Variants in MYO10 observed in about 807,000 individuals in gnomAD.
The protein encoded by MYO10 is myosin X.
MYO10 carries 133 observed loss-of-function variants against 257.3 expected under a neutral mutation model. The ratio of observed to expected loss-of-function variants is 0.52; its 90% CI spans 0.45 to 0.60. The LOEUF (loss-of-function observed/expected upper bound fraction) is 0.60, where lower values mean the gene tolerates loss of function less well. MYO10 is among the 20% of genes least tolerant of loss of function. The probability of loss-of-function intolerance (pLI) is 0.00; values close to 1 mark genes in which losing one functional copy is unlikely to be tolerated. For missense variants in MYO10, 2,399 were observed against 2,635.7 expected (o/e 0.91, Z 1.97); for synonymous variants, 1,104 against 1,028.6 (o/e 1.07, Z -1.40).
chr5:16,670,473 G>A, intron 39 of MYO10, 53 bp downstream of exon 39: 7 of 1,473,688 alleles, frequency 4.7e-6, no homozygotes, highest in Non-Finnish European at 6.5e-6. Flanking sequence ...CGTGATCCAT[G>A]TTCTCAGATG....
intron 1 of MYO10, among the ~76,000 whole-genome samples, chr5:16,911,506 G>A (rs1430251738): frequency 6.6e-6 from 1 of 151,938 alleles, no homozygotes; most frequent in Non-Finnish European, 1.5e-5. Flanking sequence ...CTGAGGCGGG[G>A]GGATCCCTTG....
intron 36 of MYO10, 54 bp downstream of exon 36, chr5:16,673,628 G>A (rs2126472049): frequency 3.2e-6 from 5 of 1,546,812 alleles, no homozygotes; most frequent in Non-Finnish European, 4.4e-6. Flanking sequence ...CCTGACGCAG[G>A]TGTATCTGCA....
intron 1 of MYO10, among the ~76,000 whole-genome samples, chr5:16,893,209 A>AAAAAAAAAAAAAAAAAAAAAAAAAAC (rs1745117330): frequency 6.7e-6 from 1 of 149,668 alleles, no homozygotes; most frequent in Admixed American, 6.7e-5. Flanking sequence ...AAAAAAAAAA[A>AAAAAAAAAAAAAAAAAAAAAAAAAAC]AAAAAAGAAC....
rs1264886091 is a variant in MYO10, at chr5:16,672,822, C to T, written c.5176G>A (p.Val1726Met). The change falls in exon 37 of 41, where the codon GTG becomes ATG. Residue 1726 changes from valine to methionine, a missense_variant. Coordinates refer to ENST00000513610, the MANE Select transcript of MYO10 (RefSeq NM_012334.3). ...INSHTTAGEVVEKLIRGLAME... is the reference protein window; with the variant it reads ...INSHTTAGEVMEKLIRGLAME... ...GCCAGGCCTCGGATCAGCTTCTCCA[C>T]CACCTGGAAGACACACCAGGGGGAC... is the stretch of plus-strand genomic sequence containing the variant. The T allele has an allele frequency of 2.5e-6, 4 of 1,612,828 alleles. No individual in the cohort carries two copies. In the Admixed American group the frequency reaches 5.0e-5, roughly 20 times the overall value.
intron 19 of MYO10, among the ~76,000 whole-genome samples, chr5:16,739,019 T>C (rs1739915822): frequency 6.6e-6 from 1 of 151,204 alleles, no homozygotes; most frequent in South Asian, 2.1e-4. Context: ...AACCAAGAAG[T>C]GTTATTAAAA....
chr5:16,836,954 C>G (rs557548112), intron 2 of MYO10, among the ~76,000 whole-genome samples: 12 of 152,284 alleles, frequency 7.9e-5, no homozygotes, highest in African/African-American at 2.9e-4. Context: ...ATGGTTGTAA[C>G]AGATGATAGA....
At chr5:16,930,054 T>C (rs1201405978) in intron 1 of MYO10, among the ~76,000 whole-genome samples, 1 of 152,166 alleles carries the variant, frequency 6.6e-6, no homozygotes, top group Non-Finnish European at 1.5e-5. Flanking sequence ...GAAACTTACT[T>C]ACAAATAAGA....
chr5:16,789,213 C>G (rs1352061648), intron 4 of MYO10, among the ~76,000 whole-genome samples: 1 of 152,244 alleles, frequency 6.6e-6, no homozygotes, highest in Non-Finnish European at 1.5e-5. Flanking sequence ...TGCTTTCACA[C>G]TACAAGGGCA....
intron 19 of MYO10, among the ~76,000 whole-genome samples, chr5:16,729,666 G>C (rs986677631): frequency 4.6e-5 from 7 of 152,020 alleles, no homozygotes; most frequent in African/African-American, 1.7e-4. Flanking sequence ...GAATGGTCTC[G>C]ATCTCCTGAC....
At chr5:16,839,216 G>A (rs980704276) in intron 2 of MYO10, among the ~76,000 whole-genome samples, 6 of 152,078 alleles carry the variant, frequency 3.9e-5, no homozygotes, top group African/African-American at 1.4e-4. Context: ...AAAACCTTCT[G>A]GAAAGGATTC....
chr5:16,834,020 C>A (rs570249882), intron 2 of MYO10, among the ~76,000 whole-genome samples: 101 of 152,258 alleles, frequency 6.6e-4, no homozygotes, highest in African/African-American at 2.4e-3. Flanking sequence ...GCCAGGCCCC[C>A]CCGAACGCCC....
chr5:16,857,553 C>CA (rs1743994245), intron 2 of MYO10, among the ~76,000 whole-genome samples: 2 of 152,202 alleles, frequency 1.3e-5, no homozygotes, highest in Admixed American at 6.5e-5. Flanking sequence ...TGCACATTTG[C>CA]AGGCTCCTAA....
intron 1 of MYO10, among the ~76,000 whole-genome samples, chr5:16,888,556 C>T (rs1744956596): frequency 6.6e-6 from 1 of 151,606 alleles, no homozygotes; most frequent in Non-Finnish European, 1.5e-5. Context: ...AATTGCGCCA[C>T]TGCACTCCAG....
At chr5:16,762,443 T>C (rs55850620) in intron 15 of MYO10, 102 bp downstream of exon 15, 2 of 899,146 alleles carry the variant, frequency 2.2e-6, no homozygotes, top group East Asian at 2.7e-5. Flanking sequence ...ATGTTCAATG[T>C]GGGAGGCACA....
Position 16,925,575 on chromosome 5 carries a change from C to G in MYO10, c.21+10213G>C, listed in dbSNP as rs10071003. Among the ~76,000 whole-genome samples, 808 of 152,238 alleles carry G rather than the reference C, an allele frequency of 5.3e-3. 7 individuals are homozygous for G. Among genetic ancestry groups the G allele is most frequent in the African/African-American group, 0.018 (763 of 41,542 alleles). Reference sequence around the variant, plus strand: ...TACAGGCGCCTGCTACCACATCTGGCTAACTTTTGTATTTTTAGTAGAGAT... The same window carrying G: ...TACAGGCGCCTGCTACCACATCTGGGTAACTTTTGTATTTTTAGTAGAGAT... On this transcript the variant is annotated intron_variant, in intron 1 of 40. Coordinates refer to ENST00000513610, the MANE Select transcript of MYO10 (RefSeq NM_012334.3).
In MYO10 at chr5:16,738,967, T is replaced by C. The variant is rs534921096; in HGVS notation, c.1929+15861A>G. Among the ~76,000 whole-genome samples the C allele has an allele frequency of 6.0e-5, 9 of 148,858 alleles. No individual in the cohort carries two copies. The East Asian group carries it at 8.0e-4, about 13-fold the overall frequency. On this transcript the variant is annotated intron_variant, in intron 19 of 40. Coordinates refer to ENST00000513610, the MANE Select transcript of MYO10 (RefSeq NM_012334.3). ...ACAATTTATACTCCCAGCAGCAGAA[T>C]AGCAGAATCCATTAATGGCAGTTTC...
At chr5:16,689,966 C>G in intron 27 of MYO10, 47 bp from the exon 28 acceptor site, 1 of 1,371,248 alleles carries the variant, frequency 7.3e-7, no homozygotes, top group East Asian at 2.3e-5. Flanking sequence ...ACACCAAATT[C>G]TGAATAACTG....
rs139444371 is a variant in MYO10, at chr5:16,731,592, G to A, written c.1930-20347C>T. ...TCTAACTCCTGACCTCAAGCAATTCGCCCACCTTGGCCTCCCAAAGTGCTG... is the reference window on the plus strand; with the variant it reads ...TCTAACTCCTGACCTCAAGCAATTCACCCACCTTGGCCTCCCAAAGTGCTG... On this transcript the variant is annotated intron_variant, in intron 19 of 40. Transcript: ENST00000513610. 9.2e-3 allele frequency among the ~76,000 whole-genome samples: 1,381 copies of A among 149,418 alleles called. 22 individuals carry two copies. The highest frequency in any genetic ancestry group is 0.032 in the African/African-American group (1,299 of 40,534).
chr5:16,675,249 G>A (rs1736671911), intron 34 of MYO10, 99 bp from the exon 35 acceptor site: 1 of 1,266,648 alleles, frequency 7.9e-7, no homozygotes. Context: ...TAAATGAGGA[G>A]GACGGATGCA....
Sources: allele counts gnomAD v4.1 joint callset (sites outside exome capture counted in the v4.1 genomes callset), GRCh38; gene constraint gnomAD v4.1.1; transcripts MANE v1.5; gene names NCBI Gene and HGNC (gene_info 2026-07-23, HGNC 2026-07-21).